The following SRPK1 variants were observed in gnomAD, a reference collection of about 807,000 sequenced individuals.
SRPK1 encodes SRSF protein kinase 1.
Under a neutral mutation model 89.5 loss-of-function variants are expected in SRPK1, and 52 were observed. That is an observed-to-expected ratio of 0.58 (90% CI 0.46 to 0.73). SRPK1 has a LOEUF of 0.73. Ranked by LOEUF, SRPK1 falls within the 30% of genes least tolerant of loss-of-function variation. SRPK1 has a pLI of 0.00. For synonymous variants in SRPK1, 255 were observed against 270.2 expected (o/e 0.94, Z 0.55); for missense variants, 603 against 780.6 (o/e 0.77, Z 2.71).
At chr6:35,913,361 A>G (rs920782887) in intron 2 of SRPK1, among the ~76,000 whole-genome samples, 7 of 152,328 alleles carry the variant, frequency 4.6e-5, no homozygotes, top group African/African-American at 9.6e-5. Flanking sequence ...TAAAAAAGAT[A>G]TAACAGTTGA....
intron 14 of SRPK1, chr6:35,838,990 T>C (rs556415901): frequency 2.2e-6 from 1 of 444,916 alleles, no homozygotes; most frequent in Non-Finnish European, 3.7e-6. Context: ...GCAAGTCCCA[T>C]TCTGGATTTT....
intron 12 of SRPK1, among the ~76,000 whole-genome samples, chr6:35,860,950 G>T (rs1254812758): frequency 6.6e-6 from 1 of 152,164 alleles, no homozygotes; most frequent in African/African-American, 2.4e-5. Context: ...GCAGAAGGAA[G>T]AGTAAGCTCT....
intron 13 of SRPK1, among the ~76,000 whole-genome samples, chr6:35,848,574 G>A (rs555901519): frequency 1.1e-3 from 171 of 152,162 alleles, no homozygotes; most frequent in South Asian, 3.5e-3. Context: ...GAACAAAGCT[G>A]GAGGCATCAA....
At chr6:35,835,826 G>A (rs1007445844) in intron 15 of SRPK1, among the ~76,000 whole-genome samples, 3 of 151,970 alleles carry the variant, frequency 2.0e-5, no homozygotes, top group Non-Finnish European at 4.4e-5. Context: ...GTCTTATATG[G>A]TGTGCAGAGA....
At chr6:35,898,007 T>C (rs1770658906) in intron 2 of SRPK1, among the ~76,000 whole-genome samples, 1 of 152,228 alleles carries the variant, frequency 6.6e-6, no homozygotes, top group Non-Finnish European at 1.5e-5. Flanking sequence ...TGCAGGCCAA[T>C]TGATCAATAC....
At chr6:35,912,416 G>T (rs1250417551) in intron 2 of SRPK1, among the ~76,000 whole-genome samples, 1 of 152,132 alleles carries the variant, frequency 6.6e-6, no homozygotes, top group Non-Finnish European at 1.5e-5. Flanking sequence ...CTCACTGAGG[G>T]CTCAGATGAT....
At chr6:35,854,318 C>T (rs1315339185) in intron 13 of SRPK1, among the ~76,000 whole-genome samples, 3 of 152,170 alleles carry the variant, frequency 2.0e-5, no homozygotes, top group Non-Finnish European at 4.4e-5. Context: ...GCAATCTCAA[C>T]TTGTTCCATC....
chr6:35,879,134 G>A (rs1319590086), intron 6 of SRPK1, among the ~76,000 whole-genome samples: 2 of 152,078 alleles, frequency 1.3e-5, no homozygotes, highest in Non-Finnish European at 2.9e-5. Flanking sequence ...TGCATATAGA[G>A]GGAAAATCAG....
chr6:35,844,268 G>T (rs879502041), intron 13 of SRPK1, among the ~76,000 whole-genome samples: 3 of 152,134 alleles, frequency 2.0e-5, no homozygotes, highest in Non-Finnish European at 2.9e-5. Flanking sequence ...CTCCCAAAGT[G>T]CTGGGATCAC....
rs759177193 is a variant in SRPK1 at position 35,872,595 on chromosome 6, C to T, written c.719G>A (p.Arg240Gln). 2.5e-6 allele frequency: 4 copies of T among 1,610,164 alleles called. No homozygotes were observed. The highest frequency in any genetic ancestry group is 1.3e-5 in the African/African-American group (1 of 74,832). The change falls in exon 8 of 16, where the codon CGA (arginine) becomes CAA (glutamine). Residue 240 changes from arginine to glutamine, a missense_variant. Transcript: ENST00000373825. ...TCCGGAAGGCGGAGGAGCTCCAGAT[C>T]GCTGCCATTCTGTTGCTTCTGCAGC... ...RLAAEATEWQ[R>Q]SGAPPPSGSA... is the part of the protein sequence containing the mutation.
intron 12 of SRPK1, among the ~76,000 whole-genome samples, chr6:35,860,409 A>G (rs188126198): frequency 1.3e-5 from 2 of 152,340 alleles, no homozygotes; most frequent in Admixed American, 1.3e-4. Flanking sequence ...TGTAAGTAAC[A>G]GAAGACTCCA....
chr6:35,911,264 G>A (rs1440829784), intron 2 of SRPK1, among the ~76,000 whole-genome samples: 1 of 152,178 alleles, frequency 6.6e-6, no homozygotes, highest in Non-Finnish European at 1.5e-5. Context: ...CCTCATGCAT[G>A]ACTGAAATGT....
intron 8 of SRPK1, among the ~76,000 whole-genome samples, chr6:35,871,396 T>C (rs116411274): frequency 1.0e-3 from 153 of 152,334 alleles, no homozygotes; most frequent in African/African-American, 3.5e-3. Flanking sequence ...AGCTGGAAGG[T>C]AGGATCTTCA....
At chr6:35,877,918 G>C (rs1329117660) in intron 6 of SRPK1, among the ~76,000 whole-genome samples, 1 of 151,664 alleles carries the variant, frequency 6.6e-6, no homozygotes, top group African/African-American at 2.4e-5. Flanking sequence ...CACACTGGAT[G>C]GAACAAATGG....
intron 2 of SRPK1, among the ~76,000 whole-genome samples, chr6:35,914,619 T>C (rs1366512062): frequency 6.6e-6 from 1 of 152,178 alleles, no homozygotes; most frequent in Non-Finnish European, 1.5e-5. Context: ...TAATATACTA[T>C]TTAATTTACT....
Position 35,873,830 on chromosome 6 carries a change from TTC to T in SRPK1, c.585+401_585+402del, listed in dbSNP as rs1404332558. Among the ~76,000 whole-genome samples the T allele has an allele frequency of 2.6e-3, 384 of 145,990 alleles. 1 individual carries two copies. Among genetic ancestry groups the T allele is most frequent in the African/African-American group, 9.4e-3 (369 of 39,452 alleles). On this transcript the variant is annotated intron_variant, in intron 7 of 15. Transcript: ENST00000373825. ...AAAACAAAGAATTTTAAAACAAAAATTCTTTTTTTTTTTTGAGACGGAGTCTC... is the reference window on the plus strand; with the variant it reads ...AAAACAAAGAATTTTAAAACAAAAATTTTTTTTTTTTTGAGACGGAGTCTC...
chr6:35,862,046 G>C (rs180761681), intron 12 of SRPK1, among the ~76,000 whole-genome samples: 209 of 152,100 alleles, frequency 1.4e-3, no homozygotes, highest in Middle Eastern at 6.8e-3. Flanking sequence ...TAAAACTAGG[G>C]ACTAGCCCCC....
intron 14 of SRPK1, among the ~76,000 whole-genome samples, chr6:35,839,639 C>T (rs953984456): frequency 3.5e-5 from 5 of 143,650 alleles, no homozygotes; most frequent in African/African-American, 7.8e-5. Flanking sequence ...TGCCCCCCCC[C>T]TTTTTTTTTT....
chr6:35,918,069 A>T (rs1039899515), intron 2 of SRPK1, among the ~76,000 whole-genome samples: 1 of 152,246 alleles, frequency 6.6e-6, no homozygotes, highest in African/African-American at 2.4e-5. Context: ...AAGTCATGGA[A>T]CAGAGTCAAG....
Sources: gnomAD v4.1 joint callset for allele counts (sites outside exome capture counted in the v4.1 genomes callset) on GRCh38, gnomAD v4.1.1 for gene constraint, MANE v1.5 for transcripts, NCBI Gene and HGNC (gene_info 2026-07-23, HGNC 2026-07-21) for gene names.